Variants in FTO observed in about 807,000 individuals in gnomAD.
FTO encodes alpha-ketoglutarate-dependent dioxygenase FTO.
FTO carries 47 observed loss-of-function variants against 63.9 expected under a neutral mutation model. The ratio of observed to expected loss-of-function variants is 0.74; its 90% CI spans 0.58 to 0.94. The LOEUF is 0.94. Among genes scored for constraint, FTO ranks in the 40% least tolerant of loss-of-function variants. FTO has a pLI of 0.00. For synonymous variants in FTO, 207 were observed against 224.4 expected, an observed-to-expected ratio of 0.92 and a Z score of 0.69; for missense variants, 562 against 618.1, an observed-to-expected ratio of 0.91 and a Z score of 0.96.
At chr16:54,003,204 G>T (rs2084110451) in intron 8 of FTO, among the ~76,000 whole-genome samples, 1 of 152,356 alleles carries the variant, frequency 6.6e-6, no homozygotes, top group East Asian at 1.9e-4. Context: ...GCCCTCAGGA[G>T]TTCATGGCCT....
rs372589186 is a variant in FTO, at chr16:53,942,273, A to C, written c.1364+8164A>C. ...AGTTCTCTGGTGTTTAAGCCCCAAC[A>C]TGGTACCACAGGCCCTTATTCCAGC... is the stretch of plus-strand genomic sequence containing the variant. On this transcript the variant is annotated intron_variant, in intron 8 of 8. Coordinates refer to ENST00000471389, the MANE Select transcript of FTO (RefSeq NM_001080432.3). Among the ~76,000 whole-genome samples, 12 of 152,284 alleles carry C rather than the reference A, an allele frequency of 7.9e-5. No individual in the cohort carries two copies. In the South Asian group the frequency reaches 2.1e-3, roughly 26 times the overall value.
At chr16:53,859,162 G>T (rs189347247) in intron 4 of FTO, among the ~76,000 whole-genome samples, 195 of 152,228 alleles carry the variant, frequency 1.3e-3, no homozygotes, top group Admixed American at 2.4e-3. Flanking sequence ...CTTTGTATGT[G>T]CAGAGCCCAT....
chr16:53,731,106 G>A (rs927224835), intron 1 of FTO, among the ~76,000 whole-genome samples: 1 of 152,226 alleles, frequency 6.6e-6, no homozygotes, highest in Non-Finnish European at 1.5e-5. Flanking sequence ...TCCTGCATTA[G>A]AATGTGTTTC....
chr16:53,833,727 C>T (rs117550571), intron 3 of FTO, among the ~76,000 whole-genome samples: 1 of 152,210 alleles, frequency 6.6e-6, no homozygotes, highest in Non-Finnish European at 1.5e-5. Context: ...TTCTCCACAT[C>T]TACGCCAACA....
intron 2 of FTO, 105 bp from the exon 3 acceptor site, chr16:53,825,759 T>C (rs1488831947): frequency 1.6e-6 from 2 of 1,281,176 alleles, no homozygotes; most frequent in Non-Finnish European, 2.2e-6. Context: ...AGCCACCAGG[T>C]AGTCCCCCCA....
At chr16:53,935,086 C>G (rs1446622626) in intron 8 of FTO, among the ~76,000 whole-genome samples, 1 of 152,090 alleles carries the variant, frequency 6.6e-6, no homozygotes, top group East Asian at 1.9e-4. Flanking sequence ...CTAGTTCTCG[C>G]AAATGTTAGG....
intron 1 of FTO, among the ~76,000 whole-genome samples, chr16:53,767,148 A>G (rs571989758): frequency 7.2e-5 from 11 of 152,202 alleles, no homozygotes; most frequent in Admixed American, 7.2e-4. Flanking sequence ...CACTGTTATA[A>G]GTGGTGTTTT....
chr16:53,776,367 G>A (rs1209371637), intron 1 of FTO, among the ~76,000 whole-genome samples: 30 of 152,158 alleles, frequency 2.0e-4, no homozygotes, highest in Admixed American at 1.8e-3. Context: ...GGCCTTAAGC[G>A]AATTACACAA....
intron 8 of FTO, among the ~76,000 whole-genome samples, chr16:54,031,568 G>A (rs2084833327): frequency 6.6e-6 from 1 of 152,080 alleles, no homozygotes; most frequent in Non-Finnish European, 1.5e-5. Context: ...CTTGGTGTGG[G>A]TCACAGATCT....
In FTO at chr16:53,807,083, T is replaced by C. The variant is rs60417692; in HGVS notation, c.46-3057T>C. Among the ~76,000 whole-genome samples, 822 of 152,382 alleles carry C rather than the reference T, an allele frequency of 5.4e-3. 4 individuals are homozygous for C. Among genetic ancestry groups the C allele is most frequent in the African/African-American group, 0.019 (800 of 41,600 alleles). On this transcript the variant is annotated intron_variant, in intron 1 of 8. Coordinates refer to ENST00000471389, the MANE Select transcript of FTO (RefSeq NM_001080432.3). ...TGATATCTGATTGATTTCACCGATG[T>C]AAGCATGACCAAAACTTCTCTTTAT...
At chr16:54,091,662 G>T (rs1209944522) in intron 8 of FTO, among the ~76,000 whole-genome samples, 1 of 152,196 alleles carries the variant, frequency 6.6e-6, no homozygotes, top group Admixed American at 6.5e-5. Context: ...CTTTTTCGTT[G>T]TGAACCCTTC....
chr16:53,853,476 T>A (rs1325301490), intron 4 of FTO, among the ~76,000 whole-genome samples: 1 of 151,838 alleles, frequency 6.6e-6, no homozygotes, highest in Non-Finnish European at 1.5e-5. Flanking sequence ...CCCCCTCCCA[T>A]CCTCCTCTCT....
chr16:53,890,076 C>G (rs2151908509), intron 7 of FTO, among the ~76,000 whole-genome samples: 1 of 152,178 alleles, frequency 6.6e-6, no homozygotes, highest in South Asian at 2.1e-4. Flanking sequence ...GGGTCCTTGC[C>G]CTTCACCACC....
rs1479729827 is a variant in FTO, at chr16:53,826,056, T to C, written c.316T>C (p.Tyr106His). 1.2e-6 allele frequency: 2 copies of C among 1,614,148 alleles called. No individual in the cohort carries two copies. Among genetic ancestry groups the C allele is most frequent in the Admixed American group, 3.3e-5 (2 of 60,020 alleles). The change falls in exon 3 of 9, where the codon TAC (tyrosine) becomes CAC (histidine). Residue 106 changes from tyrosine to histidine, a missense_variant. Coordinates refer to ENST00000471389, the MANE Select transcript of FTO (RefSeq NM_001080432.3). ...CCTCATTGGTAATCCAGGCTGCACC[T>C]ACAAGTACCTGAACACCAGGCTCTT... ...RILIGNPGCT[Y>H]KYLNTRLFTV...
At chr16:54,016,915 A>C (rs530173427) in intron 8 of FTO, among the ~76,000 whole-genome samples, 1 of 152,320 alleles carries the variant, frequency 6.6e-6, no homozygotes, top group African/African-American at 2.4e-5. Context: ...TCCTTCTCAA[A>C]CCAGAGATTT....
intron 1 of FTO, among the ~76,000 whole-genome samples, chr16:53,707,292 C>T (rs928276560): frequency 5.9e-5 from 9 of 152,150 alleles, no homozygotes; most frequent in African/African-American, 2.2e-4. Context: ...TTCTCTGCTT[C>T]CATCTTCACA....
intron 1 of FTO, among the ~76,000 whole-genome samples, chr16:53,791,510 G>T (rs75092426): frequency 0.054 from 8,177 of 152,228 alleles, 714 homozygotes; most frequent in African/African-American, 0.18. Context: ...TTATGTCTCA[G>T]ATTGAAGTTT....
rs568303739 is a variant in FTO, at chr16:53,990,771, A to G, written c.1364+56662A>G. Among the ~76,000 whole-genome samples the G allele has an allele frequency of 4.0e-5, 6 of 151,754 alleles. No individual in the cohort carries two copies. In the South Asian group the frequency reaches 1.2e-3, roughly 32 times the overall value. On this transcript the variant is annotated intron_variant, in intron 8 of 8. Transcript: ENST00000471389. The stretch of plus-strand genomic sequence containing the variant: ...CAACATCCACCTCCAGGGTTCAAGC[A>G]ATTCTCCTGCCTCCGCCTCCAAAGT...
intron 7 of FTO, among the ~76,000 whole-genome samples, chr16:53,908,665 G>A (rs2081601089): frequency 1.3e-5 from 2 of 152,188 alleles, no homozygotes; most frequent in African/African-American, 4.8e-5. Flanking sequence ...CATGCAGAAT[G>A]TGGACAGTGG....
Sources: allele counts gnomAD v4.1 joint callset (sites outside exome capture counted in the v4.1 genomes callset), GRCh38; gene constraint gnomAD v4.1.1; transcripts MANE v1.5; gene names NCBI Gene and HGNC (gene_info 2026-07-23, HGNC 2026-07-21).